HLA-DPB1: variants seen among roughly 807,000 people sequenced by gnomAD.
HLA-DPB1 encodes HLA class II histocompatibility antigen, DP beta 1 chain.
In HLA-DPB1, 30 loss-of-function variants were observed where a neutral mutation model predicts 29.4. That is an observed-to-expected ratio of 1.02 (90% CI 0.76 to 1.38). HLA-DPB1 has a LOEUF of 1.38. Ranked by LOEUF, HLA-DPB1 falls within the 40% of genes most tolerant of loss-of-function variation. The pLI, the probability that HLA-DPB1 is intolerant of heterozygous loss-of-function variation, is 0.00. For missense variants in HLA-DPB1, 261 were observed against 327.5 expected (o/e 0.80, Z 1.57); for synonymous variants, 114 against 134.0 (o/e 0.85, Z 1.03).
At position 33,085,816 on chromosome 6, in the gene HLA-DPB1, G is replaced by A. The variant is rs137879953; in HGVS notation, c.684G>A (p.Thr228=). 3.0e-5 allele frequency: 48 copies of A among 1,614,082 alleles called. No individual in the cohort carries two copies. The highest frequency in any genetic ancestry group is 1.4e-4 in the South Asian group (13 of 91,080). Reference sequence around the variant, plus strand: ...ATTCTGCCCGGAGTAAGACATTGACGGGAGCTGGGGGCTTCGTGCTGGGGC... The same window carrying A: ...ATTCTGCCCGGAGTAAGACATTGACAGGAGCTGGGGGCTTCGTGCTGGGGC... The part of the protein sequence containing the change: ...QSDSARSKTL[T]GAGGFVLGLI... Residue 228 remains threonine (T), a synonymous_variant, in exon 4 of 6, where the codon ACG becomes ACA. Transcript: ENST00000418931.
intron 2 of HLA-DPB1, among the ~76,000 whole-genome samples, chr6:33,081,670 C>T (rs1762873506): frequency 6.6e-6 from 1 of 152,092 alleles, no homozygotes; most frequent in Non-Finnish European, 1.5e-5. Flanking sequence ...AGGTTGGCCG[C>T]AGCGGCAGGA....
intron 1 of HLA-DPB1, chr6:33,079,635 G>A (rs1357950508): frequency 6.4e-6 from 3 of 466,696 alleles, no homozygotes; most frequent in Non-Finnish European, 8.4e-6. Flanking sequence ...GCTTATGGGA[G>A]CAACAACAAC....
intron 5 of HLA-DPB1, 97 bp from the exon 6 acceptor site, chr6:33,086,442 A>AG (rs1763108524): frequency 2.8e-6 from 2 of 710,598 alleles, no homozygotes; most frequent in Non-Finnish European, 5.2e-6. Flanking sequence ...TCTGTTATTT[A>AG]TCAGCCTGAG....
rs1441348156 is a variant in HLA-DPB1, at chr6:33,080,654, T to A, written c.101-18T>A. 1.2e-6 allele frequency: 2 copies of A among 1,612,306 alleles called. No homozygotes were observed. Among genetic ancestry groups the A allele is most frequent in the Non-Finnish European group, 1.7e-6 (2 of 1,179,298 alleles). ...GATGAGAGTGGCGCCTCCGCTCATG[T>A]CCGCCCCCTCCCCGCAGAGAATTAC... On this transcript the variant is annotated intron_variant, in intron 1 of 5. Coordinates refer to ENST00000418931, the MANE Select transcript of HLA-DPB1 (RefSeq NM_002121.6). The surrounding 1 kb of genome is among the most constrained non-coding windows in gnomAD (Gnocchi z 4.3).
chr6:33,079,138 T>A (rs1431402), intron 1 of HLA-DPB1, among the ~76,000 whole-genome samples: 23,146 of 152,232 alleles, frequency 0.15, 1,857 homozygotes, highest in South Asian at 0.22. Context: ...CAACTTCTGC[T>A]AGGGGTGAGG....
In HLA-DPB1 at chr6:33,088,595, CAA is replaced by C. The variant is rs1359819615; in HGVS notation, c.*2062_*2063del. Among the ~76,000 whole-genome samples the C allele has an allele frequency of 6.8e-6, 1 of 147,618 alleles. No individual in the cohort carries two copies. Among genetic ancestry groups the C allele is most frequent in the Admixed American group, 6.6e-5 (1 of 15,058 alleles). Reference sequence around the variant, plus strand: ...GTGCAGAGACAGGTCCCAGAGGAGACAAGAGCTGAGAGACCATCCAAACTGGG... The same window carrying C: ...GTGCAGAGACAGGTCCCAGAGGAGACGAGCTGAGAGACCATCCAAACTGGG... On this transcript the variant is annotated 3_prime_UTR_variant, in exon 6 of 6. Transcript: ENST00000418931.
rs1369877438 is a variant in HLA-DPB1 at position 33,089,634 on chromosome 6, T to G, written c.*3100T>G. Among the ~76,000 whole-genome samples the G allele has an allele frequency of 6.6e-6, 1 of 152,230 alleles. No homozygotes were observed. The highest frequency in any genetic ancestry group is 1.5e-5 in the Non-Finnish European group (1 of 68,046). On this transcript the variant is annotated 3_prime_UTR_variant, in exon 6 of 6. Coordinates refer to ENST00000418931, the MANE Select transcript of HLA-DPB1 (RefSeq NM_002121.6). ...ACTAACTTCAAATAAGTGGGAATAC[T>G]TGAAGGTGGAAAACATTTAAGAAGT...
chr6:33,085,333 A>G (rs1432177445), intron 3 of HLA-DPB1, 102 bp downstream of exon 3: 1 of 1,036,972 alleles, frequency 9.6e-7, no homozygotes, highest in East Asian at 2.5e-5. Flanking sequence ...CCCTGGGGCC[A>G]TGTCCAAACC....
intron 1 of HLA-DPB1, among the ~76,000 whole-genome samples, chr6:33,077,519 C>T (rs930953531): frequency 6.6e-5 from 10 of 152,242 alleles, no homozygotes; most frequent in Admixed American, 5.9e-4. Context: ...CATCTCACAC[C>T]AGTTAAAATG....
Position 33,080,520 on chromosome 6 carries a change from G to C in HLA-DPB1, c.101-152G>C. 1 of 1,125,272 alleles carries C rather than the reference G, an allele frequency of 8.9e-7. No individual in the cohort carries two copies. The highest frequency in any genetic ancestry group is 2.6e-5 in the East Asian group (1 of 39,130). 69.7% of individuals were successfully genotyped at this position (1,125,272 alleles called of 1,614,324 possible). ...CTGGAGAGGCTCTGCGACCCGCTTA[G>C]GACCACAGAACTCGGTACTAGGAAA... On this transcript the variant is annotated intron_variant, in intron 1 of 5. Transcript: ENST00000418931. The surrounding 1 kb of genome is among the most constrained non-coding windows in gnomAD (Gnocchi z 4.3).
Position 33,080,813 on chromosome 6 carries a change from G to A in HLA-DPB1, c.242G>A (p.Gly81Glu). 2.5e-6 allele frequency: 4 copies of A among 1,613,586 alleles called. No individual in the cohort carries two copies. Among genetic ancestry groups the A allele is most frequent in the Non-Finnish European group, 3.4e-6 (4 of 1,179,818 alleles). Residue 81 changes from glycine (G) to glutamate (E), a missense_variant, in exon 2 of 6, where the codon GGG becomes GAG. Physicochemically the swap from Gly to Glu is moderately conservative, Grantham distance 98. Transcript: ENST00000418931. This position sits in a 1 kb window ranked among gnomAD's most constrained non-coding sequence, Gnocchi z 4.3. ...GAGTTCCGGGCGGTGACGGAGCTGG[G>A]GCGGCCTGCTGCGGAGTACTGGAAC... is the stretch of plus-strand genomic sequence containing the variant. ...VGEFRAVTEL[G>E]RPAAEYWNSQ... is the part of the protein sequence containing the mutation.
Position 33,086,217 on chromosome 6 carries a change from A to G in HLA-DPB1, c.758-2A>G. The G allele has an allele frequency of 1.9e-6, 3 of 1,580,158 alleles. No homozygotes were observed. The highest frequency in any genetic ancestry group is 1.7e-5 in the Admixed American group (1 of 59,940). On this transcript the variant is annotated splice_acceptor_variant, in intron 4 of 5. Transcript: ENST00000418931. LOFTEE classifies it high-confidence loss of function. ...TATATAACCTTTCGTCTTTCATTTC[A>G]GTTCAACGAGGATCTGCATAAACAG...
intron 4 of HLA-DPB1, 49 bp downstream of exon 4, chr6:33,085,938 C>A: frequency 1.6e-6 from 2 of 1,230,432 alleles, no homozygotes; most frequent in Non-Finnish European, 2.3e-6. Context: ...CTGGCATATT[C>A]ACACTTATTC....
chr6:33,086,501 G>A lies in HLA-DPB1; in HGVS notation c.*5-38G>A, dbSNP rs938818013. ...TCTCTCCTGGACTTACAGGAAGGAG[G>A]CTGGCAACCTGGGATAACTTGTCTT... is the stretch of plus-strand genomic sequence containing the variant. On this transcript the variant is annotated intron_variant, in intron 5 of 5. Coordinates refer to ENST00000418931, the MANE Select transcript of HLA-DPB1 (RefSeq NM_002121.6). 1.2e-5 allele frequency: 8 copies of A among 683,112 alleles called. 1 individual carries two copies. Among genetic ancestry groups the A allele is most frequent in the Middle Eastern group, 4.8e-4 (2 of 4,198 alleles). The allele number at this position is 683,112 out of a possible 1,614,324, so 42.3% of individuals were successfully genotyped here.
At chr6:33,081,175 C>T (rs1405489660) in intron 2 of HLA-DPB1, 1 of 531,462 alleles carries the variant, frequency 1.9e-6, no homozygotes, top group Non-Finnish European at 3.3e-6. Context: ...CTTCATCAGG[C>T]CTGGCAGCTG....
chr6:33,076,599 C>G (rs980510644), intron 1 of HLA-DPB1, among the ~76,000 whole-genome samples: 2 of 152,128 alleles, frequency 1.3e-5, no homozygotes, highest in African/African-American at 4.8e-5. Flanking sequence ...CAGGGTGGAG[C>G]AGGAGCCCAC....
chr6:33,080,593 C>A lies in HLA-DPB1; in HGVS notation c.101-79C>A. 1 of 1,588,954 alleles carries A rather than the reference C, an allele frequency of 6.3e-7. No individual in the cohort carries two copies. The highest frequency in any genetic ancestry group is 1.1e-5 in the South Asian group (1 of 90,248). On this transcript the variant is annotated intron_variant, in intron 1 of 5. Coordinates refer to ENST00000418931, the MANE Select transcript of HLA-DPB1 (RefSeq NM_002121.6). This position sits in a 1 kb window ranked among gnomAD's most constrained non-coding sequence, Gnocchi z 4.3. ...CTGGGTGGGAAGATTTGGGAAGAAT[C>A]GTTAATATTGAGAGAGAGAGGGAGA... is the stretch of plus-strand genomic sequence containing the variant.
At chr6:33,079,586 C>T (rs965959621) in intron 1 of HLA-DPB1, 34 of 423,106 alleles carry the variant, frequency 8.0e-5, no homozygotes, top group Non-Finnish European at 1.1e-4. Context: ...CAGTAGGGTT[C>T]GTAGAAGGTC....
intron 2 of HLA-DPB1, chr6:33,082,286 A>T (rs1762903427): frequency 6.6e-6 from 1 of 152,232 alleles, no homozygotes; most frequent in African/African-American, 2.4e-5. Flanking sequence ...ACAGTAATCA[A>T]CTGCCAGATT....
Sources: allele counts gnomAD v4.1 joint callset (sites outside exome capture counted in the v4.1 genomes callset), GRCh38; gene constraint gnomAD v4.1.1; non-coding constraint Gnocchi (gnomAD v3.1); transcripts MANE v1.5; gene names NCBI Gene and HGNC (gene_info 2026-07-23, HGNC 2026-07-21).